The following PDHX variants were observed in gnomAD, a reference collection of about 807,000 sequenced individuals.
The protein encoded by PDHX is pyruvate dehydrogenase protein X component, mitochondrial.
Under a neutral mutation model 55.3 loss-of-function variants are expected in PDHX, and 33 were observed. The ratio of observed to expected loss-of-function variants is 0.60; its 90% CI spans 0.45 to 0.80. PDHX has a LOEUF of 0.80. Among genes scored for constraint, PDHX ranks in the 30% least tolerant of loss-of-function variants. PDHX has a pLI of 0.00. For synonymous variants in PDHX, 226 were observed against 219.4 expected, an observed-to-expected ratio of 1.03 and a Z score of -0.27; for missense variants, 622 against 619.9, an observed-to-expected ratio of 1.00 and a Z score of -0.04.
chr11:34,992,692 A>G (rs1855780871), intron 10 of PDHX, among the ~76,000 whole-genome samples: 1 of 152,144 alleles, frequency 6.6e-6, no homozygotes, highest in Admixed American at 6.6e-5. Context: ...GCTATGTGAA[A>G]CAACCACTTA....
At chr11:34,925,711 G>A (rs1344302158) in intron 1 of PDHX, among the ~76,000 whole-genome samples, 1 of 152,118 alleles carries the variant, frequency 6.6e-6, no homozygotes, top group Non-Finnish European at 1.5e-5. Flanking sequence ...TGTACAAGCT[G>A]GGCAGGTAGT....
intron 2 of PDHX, among the ~76,000 whole-genome samples, chr11:34,936,122 G>C (rs1854302713): frequency 1.3e-5 from 2 of 152,184 alleles, no homozygotes; most frequent in African/African-American, 4.8e-5. Context: ...AATGAGCTGG[G>C]GAGTTTGGGA....
At chr11:34,959,666 A>G (rs1440805203) in intron 4 of PDHX, among the ~76,000 whole-genome samples, 1 of 152,160 alleles carries the variant, frequency 6.6e-6, no homozygotes, top group Non-Finnish European at 1.5e-5. Context: ...CATTATTCAC[A>G]GTAGCAAAAT....
chr11:34,947,607 G>T lies in PDHX; in HGVS notation c.342+1G>T. ...TGATGGAATCTTGGCCAAAATCGTG[G>T]TAAGTTTTTATTTTAATTTTCTTCA... On this transcript the variant is annotated splice_donor_variant, in intron 3 of 10. Transcript: ENST00000227868. LOFTEE classifies it high-confidence loss of function. The T allele has an allele frequency of 6.3e-7, 1 of 1,591,486 alleles. No homozygotes were observed. The highest frequency in any genetic ancestry group is 8.6e-7 in the Non-Finnish European group (1 of 1,159,276).
chr11:34,942,371 A>G (rs1053375773), intron 2 of PDHX, among the ~76,000 whole-genome samples: 15 of 152,236 alleles, frequency 9.9e-5, no homozygotes, highest in Non-Finnish European at 1.9e-4. Context: ...AGTGTTACAT[A>G]AAGATGTATG....
intron 8 of PDHX, among the ~76,000 whole-genome samples, chr11:34,979,980 C>T (rs1265253131): frequency 6.7e-6 from 1 of 149,004 alleles, no homozygotes; most frequent in African/African-American, 2.4e-5. Flanking sequence ...TCTGAACCTG[C>T]TTCTATTTTG....
chr11:34,946,659 G>A (rs1854627876), intron 2 of PDHX, among the ~76,000 whole-genome samples: 2 of 152,148 alleles, frequency 1.3e-5, no homozygotes, highest in Admixed American at 6.5e-5. Flanking sequence ...GCAGTATTCT[G>A]GTCCCCACCT....
At chr11:34,935,900 T>C (rs1854297476) in intron 2 of PDHX, among the ~76,000 whole-genome samples, 1 of 152,188 alleles carries the variant, frequency 6.6e-6, no homozygotes, top group East Asian at 1.9e-4. Context: ...GGCACAGATG[T>C]CACTCATACA....
chr11:34,916,000 A>G, upstream of PDHX: 1 of 597,372 alleles, frequency 1.7e-6, no homozygotes, highest in Non-Finnish European at 2.9e-6. Flanking sequence ...TTTGGCGCCC[A>G]GCTCCCGCCA....
chr11:34,958,403 C>T (rs531909863), intron 4 of PDHX, among the ~76,000 whole-genome samples: 11 of 152,120 alleles, frequency 7.2e-5, no homozygotes, highest in Admixed American at 2.0e-4. Flanking sequence ...TGGGTTCAAG[C>T]GATTCTCCTG....
chr11:34,981,250 G>A (rs1399036979), intron 8 of PDHX, among the ~76,000 whole-genome samples: 2 of 152,070 alleles, frequency 1.3e-5, no homozygotes, highest in African/African-American at 4.8e-5. Flanking sequence ...AACATGCGGT[G>A]TTTGGTTTTT....
intron 4 of PDHX, among the ~76,000 whole-genome samples, chr11:34,958,298 G>T (rs372378279): frequency 6.6e-6 from 1 of 151,842 alleles, no homozygotes; most frequent in African/African-American, 2.4e-5. Context: ...CTTTTTTTAG[G>T]GGGGGGCGTG....
chr11:34,994,610 G>A lies in PDHX; in HGVS notation c.1248-304G>A, dbSNP rs187255483. ...TCCATTATAATCTTATAAGACCACC[G>A]TTGTATATGTGATCCTTCGTTATGT... On this transcript the variant is annotated intron_variant, in intron 10 of 10. Coordinates refer to ENST00000227868, the MANE Select transcript of PDHX (RefSeq NM_003477.3). 1.3e-4 allele frequency among the ~76,000 whole-genome samples: 20 copies of A among 152,264 alleles called. No homozygotes were observed. The East Asian group carries it at 1.7e-3, about 13-fold the overall frequency.
intron 6 of PDHX, among the ~76,000 whole-genome samples, chr11:34,969,437 C>T (rs1294196067): frequency 2.6e-5 from 4 of 151,390 alleles, no homozygotes; most frequent in Admixed American, 6.6e-5. Context: ...TCTGTCTCCC[C>T]GGTTCAAGTG....
intron 8 of PDHX, 128 bp downstream of exon 8, chr11:34,978,310 T>G: frequency 1.5e-6 from 1 of 662,228 alleles, no homozygotes; most frequent in Non-Finnish European, 2.7e-6. Flanking sequence ...AAAAATATCC[T>G]ATCGTTTGAT....
In PDHX at chr11:34,976,006, A is replaced by T. The variant is rs543099514; in HGVS notation, c.965-2118A>T. Among the ~76,000 whole-genome samples, 191 of 152,318 alleles carry T rather than the reference A, an allele frequency of 1.3e-3. No individual in the cohort carries two copies. In the Middle Eastern group the frequency reaches 0.014, roughly 11 times the overall value. On this transcript the variant is annotated intron_variant, in intron 7 of 10. Transcript: ENST00000227868. ...AGTTTCTAAAAAATGAACCCTGGAA[A>T]CACTCCTGTAGTTCTCAGATCATAC...
intron 2 of PDHX, among the ~76,000 whole-genome samples, chr11:34,933,844 T>C (rs1854235599): frequency 6.6e-6 from 1 of 150,570 alleles, no homozygotes; most frequent in Non-Finnish European, 1.5e-5. Context: ...TGAGGATCAC[T>C]AAGGATAATA....
chr11:34,975,498 C>A (rs1424016358), intron 7 of PDHX, among the ~76,000 whole-genome samples: 2 of 152,066 alleles, frequency 1.3e-5, no homozygotes, highest in Admixed American at 6.6e-5. Flanking sequence ...GATTTCTTAG[C>A]TGTGTCTGCA....
At chr11:34,992,981 T>C (rs1030554617) in intron 10 of PDHX, among the ~76,000 whole-genome samples, 6 of 152,164 alleles carry the variant, frequency 3.9e-5, no homozygotes, top group Non-Finnish European at 5.9e-5. Flanking sequence ...TTCCCATTGC[T>C]CCACATTCTT....
Sources: gnomAD v4.1 joint callset for allele counts (sites outside exome capture counted in the v4.1 genomes callset) on GRCh38, gnomAD v4.1.1 for gene constraint, MANE v1.5 for transcripts, NCBI Gene and HGNC (gene_info 2026-07-23, HGNC 2026-07-21) for gene names.